The following PPP3CA variants were observed in gnomAD, a reference collection of about 807,000 sequenced individuals.
PPP3CA encodes the protein CAM-PRP catalytic subunit.
In PPP3CA, 14 loss-of-function variants were observed where a neutral mutation model predicts 66.5. That is an observed-to-expected ratio of 0.21 (90% confidence interval 0.14 to 0.33). The LOEUF (loss-of-function observed/expected upper bound fraction) is 0.33, where lower values mean the gene tolerates loss of function less well. Among genes scored for constraint, PPP3CA ranks in the 10% least tolerant of loss-of-function variants. PPP3CA has a pLI of 1.00. For synonymous variants in PPP3CA, 232 were observed against 226.2 expected (o/e 1.03, Z -0.23); for missense variants, 317 against 639.5 (o/e 0.50, Z 5.44).
chr4:101,221,052 A>G (rs2110213801), intron 1 of PPP3CA, among the ~76,000 whole-genome samples: 1 of 151,858 alleles, frequency 6.6e-6, no homozygotes, highest in East Asian at 1.9e-4. Flanking sequence ...CTAAGCAAAA[A>G]TCATTCATAT....
At chr4:101,238,555 G>A (rs1433879092) in intron 1 of PPP3CA, among the ~76,000 whole-genome samples, 1 of 151,928 alleles carries the variant, frequency 6.6e-6, no homozygotes, top group African/African-American at 2.4e-5. Flanking sequence ...TAAAAAAGGA[G>A]GTGTGGAAAA....
chr4:101,124,822 G>A (rs1722196462), intron 2 of PPP3CA, among the ~76,000 whole-genome samples: 2 of 151,110 alleles, frequency 1.3e-5, no homozygotes, highest in South Asian at 2.1e-4. Context: ...TGGTGTTGAG[G>A]AGCACATTTT....
chr4:101,117,655 A>T (rs1721886887), intron 2 of PPP3CA, among the ~76,000 whole-genome samples: 1 of 151,700 alleles, frequency 6.6e-6, no homozygotes, highest in South Asian at 2.1e-4. Flanking sequence ...ATATAATTAC[A>T]ATATATAATT....
intron 1 of PPP3CA, among the ~76,000 whole-genome samples, chr4:101,326,385 T>C (rs1399589569): frequency 1.3e-5 from 2 of 152,208 alleles, no homozygotes; most frequent in Admixed American, 1.3e-4. Flanking sequence ...CCTCACAGGA[T>C]TACCTTAGGG....
intron 1 of PPP3CA, among the ~76,000 whole-genome samples, chr4:101,293,087 G>C (rs1728082581): frequency 6.6e-6 from 1 of 152,178 alleles, no homozygotes; most frequent in South Asian, 2.1e-4. Context: ...GACTGGTGAA[G>C]TAAGGTCTGG....
chr4:101,032,614 C>T (rs1192918034), intron 11 of PPP3CA, among the ~76,000 whole-genome samples: 3 of 151,792 alleles, frequency 2.0e-5, no homozygotes, highest in African/African-American at 4.8e-5. Flanking sequence ...TTTTGAGTAT[C>T]GAAGCTAGAT....
chr4:101,307,889 T>G (rs113570897), intron 1 of PPP3CA, among the ~76,000 whole-genome samples: 2,995 of 152,302 alleles, frequency 0.02, 86 homozygotes, highest in African/African-American at 0.061. Context: ...CAATTCCATG[T>G]TAAGTTAGGT....
At chr4:101,098,799 T>A (rs1185090822) in intron 4 of PPP3CA, among the ~76,000 whole-genome samples, 1 of 152,046 alleles carries the variant, frequency 6.6e-6, no homozygotes, top group South Asian at 2.1e-4. Context: ...TCTGCAGACG[T>A]CTCACCAAAA....
chr4:101,102,555 T>G (rs1395793887), intron 3 of PPP3CA, among the ~76,000 whole-genome samples: 1 of 152,178 alleles, frequency 6.6e-6, no homozygotes, highest in Non-Finnish European at 1.5e-5. Context: ...GGTGGAGCCC[T>G]GCCAGCATTC....
intron 2 of PPP3CA, among the ~76,000 whole-genome samples, chr4:101,128,244 T>A (rs1316044273): frequency 6.6e-6 from 1 of 152,160 alleles, no homozygotes; most frequent in Non-Finnish European, 1.5e-5. Flanking sequence ...TAATATTTTA[T>A]GTATTTTCAA....
At chr4:101,314,766 T>C (rs142767933) in intron 1 of PPP3CA, among the ~76,000 whole-genome samples, 175 of 152,054 alleles carry the variant, frequency 1.2e-3, no homozygotes, top group Admixed American at 5.2e-3. Flanking sequence ...TTTTTTTCAA[T>C]TGAACTAGAG....
intron 2 of PPP3CA, among the ~76,000 whole-genome samples, chr4:101,154,661 TTGAG>T (rs1354309189): frequency 1.3e-5 from 2 of 152,190 alleles, no homozygotes; most frequent in Non-Finnish European, 2.9e-5. Flanking sequence ...CTAATTATGA[TTGAG>T]TTTCTTCACC....
chr4:101,142,930 G>GC (rs1000368894), intron 2 of PPP3CA, among the ~76,000 whole-genome samples: 8 of 152,154 alleles, frequency 5.3e-5, no homozygotes, highest in Non-Finnish European at 8.8e-5. Context: ...ACTGGACTGT[G>GC]CAAGGCCTCT....
At chr4:101,306,401 C>G (rs938061190) in intron 1 of PPP3CA, among the ~76,000 whole-genome samples, 2 of 152,112 alleles carry the variant, frequency 1.3e-5, no homozygotes, top group African/African-American at 4.8e-5. Flanking sequence ...CACCAAGGCT[C>G]CCCCTCCGGA....
chr4:101,285,599 A>ATG (rs56681112), intron 1 of PPP3CA, among the ~76,000 whole-genome samples: 11,517 of 124,384 alleles, frequency 0.093, 480 homozygotes, highest in Non-Finnish European at 0.1. Context: ...CACTGTGTGT[A>ATG]TGTGTGTGTG....
In PPP3CA at chr4:101,024,033, T is replaced by G. The variant is rs978329376; in HGVS notation, c.*1832A>C. The G allele has an allele frequency of 2.6e-5, 4 of 152,312 alleles. No homozygotes were observed. The highest frequency in any genetic ancestry group is 4.8e-5 in the African/African-American group (2 of 41,458). The allele number at this position is 152,312 out of a possible 1,614,324, so 9.4% of individuals were successfully genotyped here. On this transcript the variant is annotated 3_prime_UTR_variant, in exon 14 of 14. Transcript: ENST00000394854. ...CAACTGAAACAACCTGATAACAAAT[T>G]AATTTTATTTTTCAATAAAAAGGAA...
chr4:101,296,038 A>G (rs1255134243), intron 1 of PPP3CA, among the ~76,000 whole-genome samples: 1 of 151,994 alleles, frequency 6.6e-6, no homozygotes, highest in South Asian at 2.1e-4. Context: ...TTCTGAAGGA[A>G]TATTACAGGT....
In PPP3CA at chr4:101,025,942, T is replaced by A. The variant is rs1726627239; in HGVS notation, c.1489A>T (p.Asn497Tyr). 2 of 1,612,776 alleles carry A rather than the reference T, an allele frequency of 1.2e-6. No homozygotes were observed. Among genetic ancestry groups the A allele is most frequent in the Non-Finnish European group, 1.7e-6 (2 of 1,179,524 alleles). ...RDAMPSDANL[N>Y]SINKALTSET... ...GAGGTGAGAGCCTTGTTGATGGAGT[T>A]AAGGTTGGCGTCAGAGGGCATGGCA... The change falls in exon 14 of 14, where the codon AAC becomes TAC. Residue 497 changes from asparagine to tyrosine, a missense_variant. This residue lies in a region of PPP3CA where 40 missense variants were observed against 38.6 expected (regional missense o/e 1.04). Coordinates refer to ENST00000394854, the MANE Select transcript of PPP3CA (RefSeq NM_000944.5).
At chr4:101,052,224 G>A (rs1052344160) in intron 10 of PPP3CA, among the ~76,000 whole-genome samples, 1 of 151,988 alleles carries the variant, frequency 6.6e-6, no homozygotes, top group Non-Finnish European at 1.5e-5. Context: ...AAGATAAAAG[G>A]CCAGATTTGA....
Sources: allele counts gnomAD v4.1 joint callset (sites outside exome capture counted in the v4.1 genomes callset), GRCh38; gene constraint gnomAD v4.1.1; regional missense constraint gnomAD v4.1.1; transcripts MANE v1.5; gene names NCBI Gene and HGNC (gene_info 2026-07-23, HGNC 2026-07-21).